Variants in PTK2B observed in about 807,000 individuals in gnomAD.
PTK2B encodes protein tyrosine kinase 2 beta.
Under a neutral mutation model 142.9 loss-of-function variants are expected in PTK2B, and 71 were observed. The ratio of observed to expected loss-of-function variants is 0.50; its 90% CI spans 0.41 to 0.61. PTK2B has a LOEUF of 0.61. Ranked by LOEUF, PTK2B falls within the 20% of genes least tolerant of loss-of-function variation. The probability of loss-of-function intolerance (pLI) is 0.00; values close to 1 mark genes in which losing one functional copy is unlikely to be tolerated. For missense variants in PTK2B, 1,105 were observed against 1,320.4 expected (o/e 0.84, Z 2.53); for synonymous variants, 519 against 503.4 (o/e 1.03, Z -0.42).
chr8:27,415,668 C>G (rs957166777), intron 2 of PTK2B, among the ~76,000 whole-genome samples: 2 of 152,160 alleles, frequency 1.3e-5, no homozygotes, highest in African/African-American at 2.4e-5. Flanking sequence ...TGCAGCCTTA[C>G]TAGCTTAAAG....
Position 27,458,402 on chromosome 8 carries a change from C to A in PTK2B, c.2923C>A (p.Gln975Lys), listed in dbSNP as rs1812286789. ...CTCCCTAAGTGAGGAGTGCAAGAGG[C>A]AGATGCTGACGGCTTCACACACCCT... ...VTSLSEECKR[Q>K]MLTASHTLAV... is the part of the protein sequence containing the mutation. The change falls in exon 31 of 31, where the codon CAG (glutamine) becomes AAG (lysine). Residue 975 changes from glutamine to lysine, a missense_variant. Physicochemically the swap from Gln to Lys is moderately conservative, Grantham distance 53. Coordinates refer to ENST00000346049, the MANE Select transcript of PTK2B (RefSeq NM_173176.3). 1 of 1,613,016 alleles carries A rather than the reference C, an allele frequency of 6.2e-7. No individual in the cohort carries two copies. The highest frequency in any genetic ancestry group is 8.5e-7 in the Non-Finnish European group (1 of 1,179,574).
chr8:27,362,200 T>C (rs1805749624), intron 1 of PTK2B, among the ~76,000 whole-genome samples: 1 of 152,198 alleles, frequency 6.6e-6, no homozygotes, highest in East Asian at 1.9e-4. Flanking sequence ...GTTGAAAAGT[T>C]AGAGCCTCAG....
chr8:27,439,597 G>T (rs927743919), intron 20 of PTK2B, among the ~76,000 whole-genome samples, 199 bp downstream of exon 20: 1 of 152,094 alleles, frequency 6.6e-6, no homozygotes, highest in Non-Finnish European at 1.5e-5. Flanking sequence ...CTAAGGACTG[G>T]CCTGGGCTGT....
chr8:27,458,604 G>A lies in PTK2B; in HGVS notation c.*95G>A. 7.6e-7 allele frequency: 1 copy of A among 1,316,388 alleles called. No individual in the cohort carries two copies. The highest frequency in any genetic ancestry group is 1.4e-5 in the South Asian group (1 of 73,128). 81.5% of individuals were successfully genotyped at this position (1,316,388 alleles called of 1,614,324 possible). ...GGTCATGTGGGTCTTCCAGGGGGAAGGCCAAGGGGAGTCACCTTCCCTTGC... is the reference window on the plus strand; with the variant it reads ...GGTCATGTGGGTCTTCCAGGGGGAAAGCCAAGGGGAGTCACCTTCCCTTGC... On this transcript the variant is annotated 3_prime_UTR_variant, in exon 31 of 31. Coordinates refer to ENST00000346049, the MANE Select transcript of PTK2B (RefSeq NM_173176.3).
rs1318451894 is a variant in PTK2B at position 27,325,699 on chromosome 8, G to GC, written c.-38+20dup. 1.3e-5 allele frequency: 2 copies of GC among 152,416 alleles called. No homozygotes were observed. Among genetic ancestry groups the GC allele is most frequent in the African/African-American group, 4.8e-5 (2 of 41,584 alleles). 9.4% of individuals were successfully genotyped at this position (152,416 alleles called of 1,614,324 possible). Reference sequence around the variant, plus strand: ...CTCCCTGGGTGAGTCCCTCCCGCGAGCCAGGGCTGAGCGCTGCGCCCGGCA... The same window carrying GC: ...CTCCCTGGGTGAGTCCCTCCCGCGAGCCCAGGGCTGAGCGCTGCGCCCGGCA... On this transcript the variant is annotated intron_variant, in intron 1 of 30. Transcript: ENST00000346049.
chr8:27,360,217 G>C (rs1199058806), intron 1 of PTK2B, among the ~76,000 whole-genome samples: 1 of 152,234 alleles, frequency 6.6e-6, no homozygotes, highest in Non-Finnish European at 1.5e-5. Context: ...AAATGTCACT[G>C]AGTCAACTAG....
At chr8:27,432,227 G>A (rs763194097) in intron 9 of PTK2B, 33 bp from the exon 10 acceptor site, 37 of 1,602,094 alleles carry the variant, frequency 2.3e-5, no homozygotes, top group Non-Finnish European at 3.1e-5. Context: ...CTGGTAGTGG[G>A]ATGGTCTGAA....
chr8:27,434,364 C>T (rs758065761), intron 12 of PTK2B, 149 bp from the exon 13 acceptor site: 5 of 1,053,404 alleles, frequency 4.7e-6, no homozygotes, highest in Non-Finnish European at 6.8e-6. Flanking sequence ...CTCCAGCCCC[C>T]AGCAGCCTGG....
At chr8:27,398,568 A>C (rs571943403) in intron 2 of PTK2B, among the ~76,000 whole-genome samples, 5 of 152,362 alleles carry the variant, frequency 3.3e-5, no homozygotes, top group African/African-American at 1.2e-4. Context: ...CCATGAGTAG[A>C]TACACTGAGG....
chr8:27,337,898 G>A (rs1182428439), intron 1 of PTK2B, among the ~76,000 whole-genome samples: 4 of 152,116 alleles, frequency 2.6e-5, no homozygotes, highest in East Asian at 1.9e-4. Flanking sequence ...TGGAGTTGCC[G>A]GGTCCTGTGA....
intron 2 of PTK2B, among the ~76,000 whole-genome samples, chr8:27,404,816 G>C (rs948310344): frequency 6.6e-6 from 1 of 152,164 alleles, no homozygotes; most frequent in South Asian, 2.1e-4. Flanking sequence ...TGCACAGGGT[G>C]TTATGGACTG....
intron 18 of PTK2B, 92 bp from the exon 19 acceptor site, chr8:27,438,939 G>A: frequency 4.2e-6 from 5 of 1,198,960 alleles, no homozygotes; most frequent in Non-Finnish European, 4.9e-6. Flanking sequence ...TTAGATTCTT[G>A]GTCTCTTTTT....
Position 27,379,890 on chromosome 8 carries a change from G to A in PTK2B, c.-37-17658G>A, listed in dbSNP as rs1360352591. On this transcript the variant is annotated intron_variant, in intron 1 of 30. Coordinates refer to ENST00000346049, the MANE Select transcript of PTK2B (RefSeq NM_173176.3). ...TGAGTAACTGGGATTATAGGCTCCC[G>A]TCACCATGCCCAGCTAATTTTTTTG... 3.3e-5 allele frequency among the ~76,000 whole-genome samples: 5 copies of A among 152,152 alleles called. No individual in the cohort carries two copies. In the South Asian group the frequency reaches 8.3e-4, roughly 25 times the overall value.
chr8:27,316,534 T>C (rs1563452937), intron 3 of PTK2B, among the ~76,000 whole-genome samples: 1 of 152,160 alleles, frequency 6.6e-6, no homozygotes, highest in Non-Finnish European at 1.5e-5. Context: ...GATAACAAAA[T>C]ATTGGGATAA....
upstream of PTK2B, chr8:27,323,430 T>C (rs7820991): frequency 0.059 from 9,022 of 152,446 alleles, 855 homozygotes; most frequent in African/African-American, 0.2. Flanking sequence ...GATCCAGGTA[T>C]GCATCCCCCC....
At chr8:27,446,013 A>G in intron 24 of PTK2B, 94 bp downstream of exon 24, 2 of 1,537,170 alleles carry the variant, frequency 1.3e-6, no homozygotes, top group Non-Finnish European at 1.8e-6. Context: ...TCCTCAGCTC[A>G]GGAGGGCCCT....
At chr8:27,368,511 C>T (rs1450687858) in intron 1 of PTK2B, among the ~76,000 whole-genome samples, 2 of 152,210 alleles carry the variant, frequency 1.3e-5, no homozygotes, top group African/African-American at 2.4e-5. Context: ...CAATCTCCCT[C>T]CCCTATTGGA....
chr8:27,438,042 G>A, intron 18 of PTK2B, 162 bp downstream of exon 18: 2 of 626,456 alleles, frequency 3.2e-6, no homozygotes, highest in South Asian at 1.9e-5. Flanking sequence ...CTGACCCTGT[G>A]TCCTCATCTG....
intron 1 of PTK2B, among the ~76,000 whole-genome samples, chr8:27,383,709 A>G (rs548645493): frequency 6.6e-6 from 1 of 152,144 alleles, no homozygotes; most frequent in African/African-American, 2.4e-5. Flanking sequence ...TGTTTTAGAT[A>G]AGGTCTCACT....
Sources: gnomAD v4.1 joint callset for allele counts (sites outside exome capture counted in the v4.1 genomes callset) on GRCh38, gnomAD v4.1.1 for gene constraint, MANE v1.5 for transcripts, NCBI Gene and HGNC (gene_info 2026-07-23, HGNC 2026-07-21) for gene names.